ZNF615: variants seen among roughly 807,000 people sequenced by gnomAD.
ZNF615 encodes zinc finger protein 615.
In ZNF615, 15 loss-of-function variants were observed where a neutral mutation model predicts 15.3. That is an observed-to-expected ratio of 0.98 (90% CI 0.66 to 1.51). The LOEUF is 1.51. ZNF615 is among the 40% of genes most tolerant of loss of function. ZNF615 has a pLI of 0.00. For missense variants in ZNF615, 848 were observed against 895.9 expected, an observed-to-expected ratio of 0.95 and a Z score of 0.68; for synonymous variants, 268 against 294.6, an observed-to-expected ratio of 0.91 and a Z score of 0.92.
chr19:51,994,969 G>T, intron 6 of ZNF615, 132 bp from the exon 7 acceptor site: 1 of 926,274 alleles, frequency 1.1e-6, no homozygotes, highest in Non-Finnish European at 1.5e-6. Context: ...TTATTTTTTT[G>T]TGAGCAATAA....
Position 52,006,966 on chromosome 19 carries a change from A to G in ZNF615, c.-190+327T>C, listed in dbSNP as rs530185477. Among the ~76,000 whole-genome samples, 173 of 152,310 alleles carry G rather than the reference A, an allele frequency of 1.1e-3. 1 individual carries two copies. The highest frequency in any genetic ancestry group is 3.8e-3 in the African/African-American group (158 of 41,568). ...TACACTGCAATAAAAGTAATAGTCT[A>G]GATTGAAGATTAAAGGCAGGAAAAA... On this transcript the variant is annotated intron_variant, in intron 2 of 6. Coordinates refer to ENST00000598071, the MANE Select transcript of ZNF615 (RefSeq NM_001199324.2).
At chr19:52,008,083 GC>G in intron 1 of ZNF615, 57 bp downstream of exon 1, 1 of 1,494,298 alleles carries the variant, frequency 6.7e-7, no homozygotes, top group Non-Finnish European at 9.0e-7. Context: ...AACACGCCCA[GC>G]CACGGACAGA....
chr19:52,001,340 C>T lies in ZNF615; in HGVS notation c.238+473G>A, dbSNP rs550364407. Among the ~76,000 whole-genome samples, 19 of 152,102 alleles carry T rather than the reference C, an allele frequency of 1.2e-4. No individual in the cohort carries two copies. In the East Asian group the frequency reaches 3.5e-3, roughly 28 times the overall value. ...AAATCTCAAGGAAAAAAAGTGGGGG[C>T]CGGGCGCAGTGGCTCAAGCCTGTAA... is the stretch of plus-strand genomic sequence containing the variant. On this transcript the variant is annotated intron_variant, in intron 5 of 6. Coordinates refer to ENST00000598071, the MANE Select transcript of ZNF615 (RefSeq NM_001199324.2).
At chr19:51,996,877 A>T (rs893065214) in intron 6 of ZNF615, among the ~76,000 whole-genome samples, 2 of 152,218 alleles carry the variant, frequency 1.3e-5, no homozygotes, top group Non-Finnish European at 2.9e-5. Flanking sequence ...AATTGCTAAA[A>T]TAGATTTTAA....
intron 2 of ZNF615, among the ~76,000 whole-genome samples, chr19:52,007,081 G>A (rs1392303755): frequency 1.3e-5 from 2 of 152,046 alleles, no homozygotes; most frequent in Non-Finnish European, 2.9e-5. Context: ...CCAAATGTAC[G>A]CATAAACTTA....
Position 51,993,414 on chromosome 19 carries a change from A to C in ZNF615, c.1695T>G (p.His565Gln). The stretch of plus-strand genomic sequence containing the variant: ...TATGAGTGCGCCGATGTACATTGAG[A>C]TGACTCTTCTCAGTGAAGCCTTTTC... ...ECGKGFTEKS[H>Q]LNVHRRTHTG... Residue 565 changes from histidine to glutamine, a missense_variant, in exon 7 of 7, where the codon CAT becomes CAG. Physicochemically the swap from His to Gln is conservative, Grantham distance 24. Transcript: ENST00000598071. The C allele has an allele frequency of 6.2e-7, 1 of 1,613,760 alleles. No individual in the cohort carries two copies. The highest frequency in any genetic ancestry group is 8.5e-7 in the Non-Finnish European group (1 of 1,179,932).
In ZNF615 at chr19:51,992,900, G is replaced by A. The variant is rs1210753876; in HGVS notation, c.2209C>T (p.His737Tyr). 1.9e-6 allele frequency: 3 copies of A among 1,613,874 alleles called. No individual in the cohort carries two copies. In the African/African-American group the frequency reaches 4.0e-5, roughly 22 times the overall value. ...AATGACTACCTGTGAATTCTCCTGT[G>A]TTTAACAAGGATAGACAAGTGCGCA... ...AFAHLSILVK[H>Y]RRIHR The change falls in exon 7 of 7, where the codon CAC (histidine) becomes TAC (tyrosine). Residue 737 changes from histidine to tyrosine, a missense_variant. Coordinates refer to ENST00000598071, the MANE Select transcript of ZNF615 (RefSeq NM_001199324.2).
At chr19:51,995,898 A>G (rs1208529653) in intron 6 of ZNF615, among the ~76,000 whole-genome samples, 4 of 152,110 alleles carry the variant, frequency 2.6e-5, no homozygotes, top group Admixed American at 2.0e-4. Flanking sequence ...TTAGTTAGGA[A>G]AAAATGAAAT....
intron 6 of ZNF615, 27 bp from the exon 7 acceptor site, chr19:51,994,864 C>CTCCA (rs762094426): frequency 4.6e-6 from 7 of 1,533,520 alleles, no homozygotes; most frequent in Non-Finnish European, 6.1e-6. Flanking sequence ...CAGTCAATCA[C>CTCCA]TCCATCATCT....
Position 51,993,682 on chromosome 19 carries a change from A to G in ZNF615, c.1427T>C (p.Phe476Ser), listed in dbSNP as rs1372558376. 1.9e-6 allele frequency: 3 copies of G among 1,614,022 alleles called. No individual in the cohort carries two copies. The highest frequency in any genetic ancestry group is 2.5e-6 in the Non-Finnish European group (3 of 1,179,996). ...TACAATGAGGTCACTCTTCATGGTG[A>G]AACCTTTTCGACATTCGGTGCATAC... ...PYVCTECRKG[F>S]TMKSDLIVHQ... The change falls in exon 7 of 7, where the codon TTC becomes TCC. Residue 476 changes from phenylalanine to serine, a missense_variant. By Grantham distance (155) the Phe-to-Ser change is radical. Coordinates refer to ENST00000598071, the MANE Select transcript of ZNF615 (RefSeq NM_001199324.2).
chr19:52,000,044 A>G, intron 6 of ZNF615: 1 of 273,820 alleles, frequency 3.7e-6, no homozygotes, highest in Non-Finnish European at 6.8e-6. Flanking sequence ...ACAAAGCCAT[A>G]AAAAAGAACT....
At chr19:51,999,846 A>T (rs1481042731) in intron 6 of ZNF615, among the ~76,000 whole-genome samples, 1 of 152,250 alleles carries the variant, frequency 6.6e-6, no homozygotes, top group Non-Finnish European at 1.5e-5. Flanking sequence ...AGAGAACTTT[A>T]AGAGAGTTCA....
At chr19:51,997,096 A>T (rs1283930668) in intron 6 of ZNF615, among the ~76,000 whole-genome samples, 1 of 152,116 alleles carries the variant, frequency 6.6e-6, no homozygotes, top group African/African-American at 2.4e-5. Flanking sequence ...GGCAAAGAGG[A>T]TCACTTGAGC....
At chr19:52,000,525 A>T in intron 5 of ZNF615, 147 bp from the exon 6 acceptor site, 1 of 432,186 alleles carries the variant, frequency 2.3e-6, no homozygotes, top group Non-Finnish European at 4.0e-6. Flanking sequence ...GAAGACAAGT[A>T]AAATACATGG....
intron 1 of ZNF615, chr19:52,007,824 A>C (rs956638829): frequency 1.1e-5 from 4 of 353,356 alleles, no homozygotes; most frequent in African/African-American, 6.3e-5. Flanking sequence ...CCAAAGGACA[A>C]CACCAAAGAC....
intron 1 of ZNF615, 195 bp downstream of exon 1, chr19:52,007,946 C>T: frequency 1.7e-6 from 1 of 597,466 alleles, no homozygotes; most frequent in East Asian, 2.8e-5. Context: ...CACACACACA[C>T]CCTATCACGG....
At position 51,993,373 on chromosome 19, in the gene ZNF615, T is replaced by C. The variant is rs372816703; in HGVS notation, c.1736A>G (p.Tyr579Cys). Residue 579 changes from tyrosine to cysteine, a missense_variant, in exon 7 of 7, where the codon TAT becomes TGT. By Grantham distance (194) the Tyr-to-Cys change is radical (BLOSUM62 -2). Coordinates refer to ENST00000598071, the MANE Select transcript of ZNF615 (RefSeq NM_001199324.2). ...GCCTTTGCCACATTCACTGCATACA[T>C]AGGGTTTCTCTCCTGTATGAGTGCG... is the stretch of plus-strand genomic sequence containing the variant. ...HRRTHTGEKP[Y>C]VCSECGKGLT... 9.9e-6 allele frequency: 16 copies of C among 1,614,042 alleles called. No individual in the cohort carries two copies. Among genetic ancestry groups the C allele is most frequent in the African/African-American group, 2.7e-5 (2 of 74,928 alleles).
Position 51,993,792 on chromosome 19 carries a change from A to G in ZNF615, c.1317T>C (p.Tyr439=). The G allele has an allele frequency of 1.9e-6, 3 of 1,614,110 alleles. No individual in the cohort carries two copies. Among genetic ancestry groups the G allele is most frequent in the Non-Finnish European group, 1.7e-6 (2 of 1,180,010 alleles). ...HQRTHTGEKP[Y]KCNECGKGFA... Reference sequence around the variant, plus strand: ...AGCCCTTTCCACACTCATTGCATTTATAAGGTTTCTCTCCAGTATGAGTTC... The same window carrying G: ...AGCCCTTTCCACACTCATTGCATTTGTAAGGTTTCTCTCCAGTATGAGTTC... Residue 439 remains tyrosine, a synonymous_variant, in exon 7 of 7, where the codon TAT becomes TAC. Transcript: ENST00000598071.
In ZNF615 at chr19:51,993,293, G is replaced by A. The variant is rs769514702; in HGVS notation, c.1816C>T (p.Pro606Ser). The A allele has an allele frequency of 1.2e-6, 2 of 1,614,012 alleles. No homozygotes were observed. The highest frequency in any genetic ancestry group is 2.7e-5 in the African/African-American group (2 of 74,984). Residue 606 changes from proline to serine, a missense_variant, in exon 7 of 7, where the codon CCT becomes TCT. Physicochemically the swap from Pro to Ser is moderately conservative, Grantham distance 74. Transcript: ENST00000598071. Reference sequence around the variant, plus strand: ...TTTCCACATTCATTGCATATATAAGGTTTCTCCCCAGTATGAGTTCGCTGA... The same window carrying A: ...TTTCCACATTCATTGCATATATAAGATTTCTCCCCAGTATGAGTTCGCTGA... ...AHQRTHTGEK[P>S]YICNECGKGF...
Sources: allele counts gnomAD v4.1 joint callset (sites outside exome capture counted in the v4.1 genomes callset), GRCh38; gene constraint gnomAD v4.1.1; transcripts MANE v1.5; gene names NCBI Gene and HGNC (gene_info 2026-07-23, HGNC 2026-07-21).